RALYL: variants seen among roughly 807,000 people sequenced by gnomAD.
RALYL encodes RNA-binding Raly-like protein.
RALYL carries 29 observed loss-of-function variants against 35.1 expected under a neutral mutation model. The ratio of observed to expected loss-of-function variants is 0.83; its 90% CI spans 0.61 to 1.13. RALYL has a LOEUF of 1.13. Ranked by LOEUF, RALYL falls within the 50% of genes most tolerant of loss-of-function variation. The pLI is 0.00. For missense variants in RALYL, 359 were observed against 360.4 expected (o/e 1.00, Z 0.03); for synonymous variants, 120 against 127.6 (o/e 0.94, Z 0.40).
intron 2 of RALYL, among the ~76,000 whole-genome samples, chr8:84,549,731 C>T (rs2060594146): frequency 1.3e-5 from 2 of 152,184 alleles, no homozygotes; most frequent in South Asian, 2.1e-4. Flanking sequence ...CTGCAGTGCC[C>T]TGGCTGTGTA....
At chr8:84,459,867 T>G (rs1242895386) in intron 1 of RALYL, among the ~76,000 whole-genome samples, 1 of 151,744 alleles carries the variant, frequency 6.6e-6, no homozygotes, top group African/African-American at 2.4e-5. Flanking sequence ...CTTCAGTTTT[T>G]TAGGACACTG....
chr8:84,211,940 G>C (rs989945880), intron 1 of RALYL, among the ~76,000 whole-genome samples: 1 of 152,124 alleles, frequency 6.6e-6, no homozygotes, highest in South Asian at 2.1e-4. Flanking sequence ...TGCACGAATT[G>C]TATCGCCTTT....
At chr8:84,381,558 C>T (rs942462815) in intron 1 of RALYL, among the ~76,000 whole-genome samples, 2 of 151,706 alleles carry the variant, frequency 1.3e-5, no homozygotes, top group South Asian at 2.1e-4. Context: ...CTTATGTTCC[C>T]TCTATTTCCT....
chr8:84,744,153 ATAGT>A (rs1250983844), intron 2 of RALYL, among the ~76,000 whole-genome samples: 3 of 152,012 alleles, frequency 2.0e-5, no homozygotes, highest in East Asian at 1.9e-4. Flanking sequence ...TGGGCAGGAG[ATAGT>A]TAGATATTGG....
chr8:84,190,457 A>G (rs1813586527), intron 1 of RALYL, among the ~76,000 whole-genome samples: 1 of 152,236 alleles, frequency 6.6e-6, no homozygotes, highest in African/African-American at 2.4e-5. Flanking sequence ...CATAAACTAT[A>G]GTGGAAACAG....
chr8:84,668,194 C>T (rs1375545657), intron 2 of RALYL, among the ~76,000 whole-genome samples: 2 of 152,054 alleles, frequency 1.3e-5, no homozygotes, highest in African/African-American at 2.4e-5. Flanking sequence ...TGAATAGTCA[C>T]TATGCTAGCT....
At chr8:84,205,870 A>T (rs1817942757) in intron 1 of RALYL, among the ~76,000 whole-genome samples, 1 of 152,158 alleles carries the variant, frequency 6.6e-6, no homozygotes. Flanking sequence ...TGGAGGCTGG[A>T]TGGCCAAGAT....
intron 1 of RALYL, among the ~76,000 whole-genome samples, chr8:84,296,695 T>G (rs1343907835): frequency 1.4e-5 from 2 of 144,080 alleles, no homozygotes; most frequent in African/African-American, 5.1e-5. Context: ...AAAAGTTAAA[T>G]CTGCTCCAAG....
At chr8:84,678,705 A>T (rs897053928) in intron 2 of RALYL, 5 of 152,220 alleles carry the variant, frequency 3.3e-5, no homozygotes, top group Non-Finnish European at 4.4e-5. Flanking sequence ...CATTTCCTGC[A>T]GAAAGCTAAA....
intron 8 of RALYL, among the ~76,000 whole-genome samples, chr8:84,911,965 C>T (rs1443325828): frequency 1.3e-5 from 2 of 152,064 alleles, no homozygotes; most frequent in African/African-American, 4.8e-5. Flanking sequence ...CTCCTCCTGG[C>T]GTGTGGCTAT....
chr8:84,655,117 T>G (rs1031182775), intron 2 of RALYL, among the ~76,000 whole-genome samples: 3 of 152,172 alleles, frequency 2.0e-5, no homozygotes, highest in Middle Eastern at 3.2e-3. Context: ...TTGCCTAGCT[T>G]TTGGGTAAAA....
intron 1 of RALYL, among the ~76,000 whole-genome samples, chr8:84,524,719 G>A (rs1159348633): frequency 6.6e-6 from 1 of 151,972 alleles, no homozygotes; most frequent in Non-Finnish European, 1.5e-5. Context: ...GAAATTAAAA[G>A]GCTTTATTTA....
intron 1 of RALYL, among the ~76,000 whole-genome samples, chr8:84,295,674 C>G (rs888277912): frequency 6.6e-6 from 1 of 152,012 alleles, no homozygotes; most frequent in African/African-American, 2.4e-5. Context: ...TTACTTGGAC[C>G]ATATCTTCTT....
At chr8:84,574,413 T>C (rs1342343849) in intron 2 of RALYL, among the ~76,000 whole-genome samples, 2 of 152,082 alleles carry the variant, frequency 1.3e-5, no homozygotes, top group African/African-American at 4.8e-5. Flanking sequence ...GAGACTCCTA[T>C]GCAGATTTTT....
Position 84,361,428 on chromosome 8 carries a change from A to G in RALYL, c.-23-167871A>G, listed in dbSNP as rs560426438. Among the ~76,000 whole-genome samples the G allele has an allele frequency of 1.1e-3, 166 of 152,264 alleles. 6 individuals carry two copies. In the South Asian group the frequency reaches 0.034, roughly 31 times the overall value. The stretch of plus-strand genomic sequence containing the variant: ...AATGCACTCACTGGAGAGGCATTGG[A>G]AGAAATTGTACAGAGAAGAAACTGG... On this transcript the variant is annotated intron_variant, in intron 1 of 8. Transcript: ENST00000521268.
chr8:84,686,222 C>T (rs1268946650), intron 2 of RALYL, among the ~76,000 whole-genome samples: 1 of 151,944 alleles, frequency 6.6e-6, no homozygotes, highest in Admixed American at 6.6e-5. Flanking sequence ...GAAAAATTAT[C>T]ACAAAAGTGG....
intron 2 of RALYL, among the ~76,000 whole-genome samples, chr8:84,766,538 T>C (rs1255324504): frequency 1.5e-5 from 2 of 134,380 alleles, no homozygotes; most frequent in African/African-American, 6.5e-5. Flanking sequence ...CTAAAATAAA[T>C]AAATAAATAA....
chr8:84,643,193 C>G (rs1182704408), intron 2 of RALYL, among the ~76,000 whole-genome samples: 1 of 151,944 alleles, frequency 6.6e-6, no homozygotes, highest in African/African-American at 2.4e-5. Context: ...ACAGTCCCCC[C>G]ACCCCCAAAA....
At chr8:84,680,596 C>T (rs1453778015) in intron 2 of RALYL, among the ~76,000 whole-genome samples, 1 of 152,148 alleles carries the variant, frequency 6.6e-6, no homozygotes, top group African/African-American at 2.4e-5. Context: ...TCTCTGATGG[C>T]CAGTGATGAT....
Sources: gnomAD v4.1 joint callset for allele counts (sites outside exome capture counted in the v4.1 genomes callset) on GRCh38, gnomAD v4.1.1 for gene constraint, MANE v1.5 for transcripts, NCBI Gene and HGNC (gene_info 2026-07-23, HGNC 2026-07-21) for gene names.